Variants in SFI1 observed in about 807,000 individuals in gnomAD.
SFI1 encodes the protein protein SFI1 homolog.
A neutral mutation model predicts 207.5 loss-of-function variants in SFI1; 195 were observed. The observed-to-expected ratio is 0.94, with a 90% CI of 0.84 to 1.06. The LOEUF is 1.06. Among genes scored for constraint, SFI1 ranks in the 50% least tolerant of loss-of-function variants. SFI1 has a pLI of 0.00. For synonymous variants in SFI1, 630 were observed against 598.9 expected, an observed-to-expected ratio of 1.05 and a Z score of -0.76; for missense variants, 1,634 against 1,588.0, an observed-to-expected ratio of 1.03 and a Z score of -0.49.
At position 31,575,243 on chromosome 22, in the gene SFI1, G is replaced by A. The variant is rs1449062961; in HGVS notation, c.935G>A (p.Arg312Gln). The A allele has an allele frequency of 8.7e-6, 14 of 1,609,384 alleles. No homozygotes were observed. Among genetic ancestry groups the A allele is most frequent in the Non-Finnish European group, 1.1e-5 (13 of 1,177,898 alleles). ...TTCTCTGTTGCAGAGATGGCTGAGC[G>A]ATTCCATCATGTCACTGTGCTCCAG... ...VKRQQNEMAE[R>Q]FHHVTVLQIY... is the part of the protein sequence containing the mutation. The change falls in exon 10 of 33, where the codon CGA (arginine) becomes CAA (glutamine). Residue 312 changes from arginine (R) to glutamine (Q), a missense_variant. By Grantham distance (43) the Arg-to-Gln change is conservative. Transcript: ENST00000400288.
intron 3 of SFI1, chr22:31,530,515 A>C: frequency 3.0e-6 from 1 of 331,238 alleles, no homozygotes; most frequent in Non-Finnish European, 6.3e-6. Context: ...AAAAAAAAAG[A>C]CAAGCCACCT....
At chr22:31,579,238 G>C (rs188321308) in intron 11 of SFI1, among the ~76,000 whole-genome samples, 2 of 152,136 alleles carry the variant, frequency 1.3e-5, no homozygotes, top group Admixed American at 1.3e-4. Context: ...TGAACTCCTG[G>C]ACTCAAGTGA....
At chr22:31,599,755 C>T (rs549393430) in intron 15 of SFI1, among the ~76,000 whole-genome samples, 3 of 152,194 alleles carry the variant, frequency 2.0e-5, no homozygotes, top group East Asian at 3.9e-4. Context: ...GGATTACAGG[C>T]GTGAGCCACC....
chr22:31,583,064 C>T (rs1183080860), intron 12 of SFI1, among the ~76,000 whole-genome samples: 1 of 152,104 alleles, frequency 6.6e-6, no homozygotes, highest in Non-Finnish European at 1.5e-5. Context: ...GCTAGGACTA[C>T]AGGTGCATAC....
intron 15 of SFI1, among the ~76,000 whole-genome samples, chr22:31,601,228 A>G (rs181796040): frequency 2.2e-3 from 306 of 137,156 alleles, no homozygotes; most frequent in Middle Eastern, 0.017. Flanking sequence ...GGTTCATGTC[A>G]TTCTCCTGCC....
chr22:31,574,568 AG>A (rs1569351161), intron 9 of SFI1, among the ~76,000 whole-genome samples: 1 of 152,240 alleles, frequency 6.6e-6, no homozygotes, highest in Non-Finnish European at 1.5e-5. Context: ...ACATTTGTTT[AG>A]AAGCAAAAGT....
intron 19 of SFI1, chr22:31,604,628 G>C (rs1441225562): frequency 1.7e-6 from 1 of 587,260 alleles, no homozygotes; most frequent in East Asian, 3.0e-5. Flanking sequence ...GCCTTGTAGC[G>C]AAAGCAGCTC....
chr22:31,566,138 A>G (rs1207626628), intron 8 of SFI1, among the ~76,000 whole-genome samples: 4 of 122,210 alleles, frequency 3.3e-5, no homozygotes, highest in Non-Finnish European at 6.5e-5. Flanking sequence ...TTTTTTTTTG[A>G]GACTCCGTGC....
intron 2 of SFI1, among the ~76,000 whole-genome samples, chr22:31,514,639 T>A (rs1468896710): frequency 2.0e-5 from 3 of 152,176 alleles, no homozygotes; most frequent in Non-Finnish European, 1.5e-5. Context: ...TCTCTGTTTC[T>A]ATGCATTCAA....
intron 5 of SFI1, among the ~76,000 whole-genome samples, chr22:31,548,041 C>A (rs554382220): frequency 6.6e-6 from 1 of 151,408 alleles, no homozygotes; most frequent in East Asian, 2.0e-4. Flanking sequence ...GGTGAAACCC[C>A]GTCTCTACTA....
rs398061887 is a variant in SFI1 at position 31,560,400 on chromosome 22, C to CTTTT, written c.663-874_663-871dup. Among the ~76,000 whole-genome samples the CTTTT allele has an allele frequency of 9.2e-4, 116 of 125,510 alleles. 4 individuals are homozygous for CTTTT. Among genetic ancestry groups the CTTTT allele is most frequent in the Middle Eastern group, 4.2e-3 (1 of 240 alleles). 82.3% of individuals were successfully genotyped at this position (125,510 alleles called of 152,430 possible). A position where few individuals can be genotyped will look rare whatever the true frequency, so the allele number is the denominator to read the frequency against. The stretch of plus-strand genomic sequence containing the variant: ...CTGATTTTCAAATGTTGGTAATACT[C>CTTTT]TTTTTTTTTTTTTTTTTTTGAGGTG... On this transcript the variant is annotated intron_variant, in intron 7 of 32. Transcript: ENST00000400288.
In SFI1 at chr22:31,606,315, C is replaced by T; in HGVS notation, c.2055-13C>T. The T allele has an allele frequency of 6.2e-7, 1 of 1,611,730 alleles. No homozygotes were observed. Among genetic ancestry groups the T allele is most frequent in the Non-Finnish European group, 8.5e-7 (1 of 1,178,204 alleles). ...TGGTGTCATCTGCCTTCCTCGCACC[C>T]ATGCATCTGCAGCGGGGCATTACGT... On this transcript the variant is annotated splice_polypyrimidine_tract_variant and intron_variant, in intron 20 of 32. Transcript: ENST00000400288.
intron 7 of SFI1, among the ~76,000 whole-genome samples, chr22:31,558,250 A>G (rs1226492747): frequency 6.6e-6 from 1 of 152,198 alleles, no homozygotes; most frequent in African/African-American, 2.4e-5. Flanking sequence ...AAATAGGCAG[A>G]GTGCAGTAGT....
At chr22:31,564,294 T>A (rs2145548010) in intron 8 of SFI1, among the ~76,000 whole-genome samples, 1 of 139,906 alleles carries the variant, frequency 7.1e-6, no homozygotes. Context: ...GCCACTGCAC[T>A]CCAGCCTGGG....
intron 7 of SFI1, among the ~76,000 whole-genome samples, chr22:31,558,139 C>T (rs1008305459): frequency 3.3e-5 from 5 of 152,116 alleles, no homozygotes; most frequent in Non-Finnish European, 7.3e-5. Context: ...TTACACCATA[C>T]TTAAAGGTTT....
In SFI1 at chr22:31,586,746, CTT is replaced by C. The variant is rs774159837; in HGVS notation, c.1413+1615_1413+1616del. ...ATTCAAGGTGGAGAGCAGAGGGTCT[CTT>C]TTATTTCCTTCCTGGAAAACGAGCA... On this transcript the variant is annotated intron_variant, in intron 14 of 32. Transcript: ENST00000400288. Among the ~76,000 whole-genome samples, 8 of 152,298 alleles carry C rather than the reference CTT, an allele frequency of 5.3e-5. No homozygotes were observed. In the East Asian group the frequency reaches 7.7e-4, roughly 15 times the overall value.
At position 31,555,286 on chromosome 22, in the gene SFI1, G is replaced by A. The variant is rs529692896; in HGVS notation, c.545-1656G>A. Among the ~76,000 whole-genome samples the A allele has an allele frequency of 2.5e-3, 381 of 152,110 alleles. 3 individuals carry two copies. The highest frequency in any genetic ancestry group is 8.5e-3 in the African/African-American group (352 of 41,484). On this transcript the variant is annotated intron_variant, in intron 6 of 32. Coordinates refer to ENST00000400288, the MANE Select transcript of SFI1 (RefSeq NM_001007467.3). ...GAAGATTGCTTGGGCCCAGGAGTTC[G>A]AGACCAGCCCAAGCAACATGGCAAA... is the stretch of plus-strand genomic sequence containing the variant.
At chr22:31,527,880 G>A (rs894410430) in intron 2 of SFI1, among the ~76,000 whole-genome samples, 5 of 152,102 alleles carry the variant, frequency 3.3e-5, no homozygotes, top group Admixed American at 6.5e-5. Context: ...TTGGGAGGCC[G>A]AGGTGGGTGG....
At chr22:31,531,754 G>A (rs999885878) in intron 4 of SFI1, among the ~76,000 whole-genome samples, 5 of 152,138 alleles carry the variant, frequency 3.3e-5, no homozygotes, top group African/African-American at 7.2e-5. Flanking sequence ...TTAGCCGGAC[G>A]TGGTGGCGCA....
Sources: allele counts gnomAD v4.1 joint callset (sites outside exome capture counted in the v4.1 genomes callset), GRCh38; gene constraint gnomAD v4.1.1; transcripts MANE v1.5; gene names NCBI Gene and HGNC (gene_info 2026-07-23, HGNC 2026-07-21).